CHGB: variants seen among roughly 807,000 people sequenced by gnomAD.
CHGB encodes the protein secretogranin-1.
Under a neutral mutation model 69.9 loss-of-function variants are expected in CHGB, and 46 were observed. The ratio of observed to expected loss-of-function variants is 0.66; its 90% CI spans 0.52 to 0.84. The LOEUF (loss-of-function observed/expected upper bound fraction) is 0.84, where lower values mean the gene tolerates loss of function less well. Ranked by LOEUF, CHGB falls within the 40% of genes least tolerant of loss-of-function variation. The pLI is 0.00. For synonymous variants in CHGB, 312 were observed against 298.2 expected, an observed-to-expected ratio of 1.05 and a Z score of -0.48; for missense variants, 796 against 822.2, an observed-to-expected ratio of 0.97 and a Z score of 0.39.
chr20:5,918,652 A>G (rs1425150752), intron 3 of CHGB, among the ~76,000 whole-genome samples: 2 of 151,330 alleles, frequency 1.3e-5, no homozygotes, highest in Admixed American at 1.3e-4. Flanking sequence ...CTCTACTAAA[A>G]ATACAAAAAA....
intron 3 of CHGB, among the ~76,000 whole-genome samples, chr20:5,918,368 GGGTGGCA>G (rs2088491441): frequency 6.6e-6 from 1 of 151,898 alleles, no homozygotes; most frequent in Non-Finnish European, 1.5e-5. Flanking sequence ...GATACAGCCT[GGGTGGCA>G]GAGTGAGGCT....
rs1474354024 is a variant in CHGB at position 5,923,698 on chromosome 20, A to G, written c.1554A>G (p.Leu518=). The change falls in exon 4 of 5, where the codon TTA becomes TTG. Residue 518 remains leucine, a synonymous_variant. Transcript: ENST00000378961. ...ACACAGCTGAAAAGAGGAAGAGATT[A>G]GGGGAACTGTTCAACCCATACTACG... ...SHHTAEKRKR[L]GELFNPYYDP... is the part of the protein sequence containing the mutation. 3 of 1,614,170 alleles carry G rather than the reference A, an allele frequency of 1.9e-6. No homozygotes were observed. Among genetic ancestry groups the G allele is most frequent in the Non-Finnish European group, 2.5e-6 (3 of 1,180,026 alleles).
At chr20:5,922,062 A>C (rs1332220911) in intron 3 of CHGB, among the ~76,000 whole-genome samples, 1 of 152,168 alleles carries the variant, frequency 6.6e-6, no homozygotes, top group Non-Finnish European at 1.5e-5. Context: ...CTATATCTCG[A>C]TTTCAGTTTG....
At position 5,916,848 on chromosome 20, in the gene CHGB, TC is replaced by T. The variant is rs764298740; in HGVS notation, c.121del (p.Leu41SerfsTer21). 1 of 1,614,122 alleles carries T rather than the reference TC, an allele frequency of 6.2e-7. No homozygotes were observed. Among genetic ancestry groups the T allele is most frequent in the African/African-American group, 1.3e-5 (1 of 75,012 alleles). ...CAGGTGACTCGCTGCATCATTGAGG[TC>T]CTCTCAAATGCCTTGTCGAAGTCCA... ...EGMVTRCIIE[V>X]LSNALSKSSA... On this transcript the variant is annotated frameshift_variant, in exon 3 of 5. Coordinates refer to ENST00000378961, the MANE Select transcript of CHGB (RefSeq NM_001819.3). LOFTEE classifies it high-confidence loss of function.
chr20:5,924,036 G>A lies in CHGB; in HGVS notation c.1892G>A (p.Ser631Asn), dbSNP rs756916206. Residue 631 changes from serine to asparagine, a missense_variant, in exon 4 of 5, where the codon AGC (serine) becomes AAC (asparagine). By Grantham distance (46) the Ser-to-Asn change is conservative. Transcript: ENST00000378961. Reference protein sequence around the residue: ...PDFYDSEEPVSTHQEAENEKD... With the variant: ...PDFYDSEEPVNTHQEAENEKD... ...TTCTATGATTCTGAGGAGCCGGTGA[G>A]CACCCACCAGGAGGCAGAAAATGAA... is the stretch of plus-strand genomic sequence containing the variant. The A allele has an allele frequency of 3.1e-6, 5 of 1,613,644 alleles. No homozygotes were observed. Among genetic ancestry groups the A allele is most frequent in the South Asian group, 1.1e-5 (1 of 91,034 alleles).
chr20:5,920,802 G>A (rs2088509414), intron 3 of CHGB, among the ~76,000 whole-genome samples: 2 of 152,236 alleles, frequency 1.3e-5, no homozygotes, highest in African/African-American at 2.4e-5. Flanking sequence ...ACTGGTGACA[G>A]ATGGGCCTTC....
rs538716130 is a variant in CHGB, at chr20:5,923,555, T to G, written c.1411T>G (p.Tyr471Asp). 6.2e-7 allele frequency: 1 copy of G among 1,614,022 alleles called. No individual in the cohort carries two copies. The highest frequency in any genetic ancestry group is 1.7e-5 in the Admixed American group (1 of 60,008). ...TGCGTGGAAAGAGCTGGACAGAAAT[T>G]ATCTCAACTACGGTGAGGAAGGAGC... ...QGAWKELDRNYLNYGEEGAPG... is the reference protein window; with the variant it reads ...QGAWKELDRNDLNYGEEGAPG... Residue 471 changes from tyrosine (Y) to aspartate (D), a missense_variant, in exon 4 of 5, where the codon TAT becomes GAT. Physicochemically the swap from Tyr to Asp is radical, Grantham distance 160. Around this residue, in one of 3 missense-constraint regions of CHGB, gnomAD observed 274 missense variants for 298.9 expected, o/e 0.92. Transcript: ENST00000378961.
chr20:5,916,371 T>C lies in CHGB; in HGVS notation c.95T>C (p.Met32Thr), dbSNP rs1295645506. 1 of 1,612,364 alleles carries C rather than the reference T, an allele frequency of 6.2e-7. No homozygotes were observed. The highest frequency in any genetic ancestry group is 8.5e-7 in the Non-Finnish European group (1 of 1,178,530). The change falls in exon 2 of 5, where the codon ATG becomes ACG. Residue 32 changes from methionine to threonine, a missense_variant and splice_region_variant. Physicochemically the swap from Met to Thr is moderately conservative, Grantham distance 81. Transcript: ENST00000378961. ...PVDNRNHNEG[M>T]VTRCIIEVLS... ...GATAACAGGAACCACAATGAAGGAA[T>C]GGTAAGTTGCAATGTCAATCTTAGA...
chr20:5,916,948 T>C (rs1344741512), intron 3 of CHGB, 29 bp downstream of exon 3: 1 of 1,596,684 alleles, frequency 6.3e-7, no homozygotes, highest in Non-Finnish European at 8.6e-7. Flanking sequence ...AGGCAGATCT[T>C]GGTCACTGCA....
intron 1 of CHGB, among the ~76,000 whole-genome samples, chr20:5,913,353 C>A (rs902490671): frequency 5.3e-5 from 8 of 152,248 alleles, no homozygotes; most frequent in Non-Finnish European, 1.2e-4. Flanking sequence ...CATTAGCAAG[C>A]ACCTCTCCAT....
Position 5,924,066 on chromosome 20 carries a change from A to G in CHGB, c.1922A>G (p.Asp641Gly). 6.2e-7 allele frequency: 1 copy of G among 1,613,112 alleles called. No homozygotes were observed. The highest frequency in any genetic ancestry group is 8.5e-7 in the Non-Finnish European group (1 of 1,179,532). ...CACCAGGAGGCAGAAAATGAAAAGG[A>G]CAGGGCTGACCAGACAGTCCTGACA... ...STHQEAENEK[D>G]RADQTVLTED... The change falls in exon 4 of 5, where the codon GAC becomes GGC. Residue 641 changes from aspartate (D) to glycine (G), a missense_variant. Asp to Gly is a moderately conservative substitution (Grantham distance 94, BLOSUM62 -1). Transcript: ENST00000378961.
Position 5,925,063 on chromosome 20 carries a change from G to C in CHGB, c.*14G>C. On this transcript the variant is annotated 3_prime_UTR_variant, in exon 5 of 5. Coordinates refer to ENST00000378961, the MANE Select transcript of CHGB (RefSeq NM_001819.3). ...CAAAGGGGCTGACTGTCATTGGAGC[G>C]GTGGGCACTGTTAAGAAGCAGCCAT... The C allele has an allele frequency of 1.3e-6, 2 of 1,585,022 alleles. No individual in the cohort carries two copies. The highest frequency in any genetic ancestry group is 1.7e-6 in the Non-Finnish European group (2 of 1,155,374).
In CHGB at chr20:5,922,723, G is replaced by A. The variant is rs1568551873; in HGVS notation, c.579G>A (p.Glu193=). The stretch of plus-strand genomic sequence containing the variant: ...AGAAACACCTTGAAGAGCCAGGAGA[G>A]ACACAAAACGCTTTTCTCAATGAAA... ...SEEKHLEEPG[E]TQNAFLNERK... Residue 193 remains glutamate, a synonymous_variant, in exon 4 of 5, where the codon GAG becomes GAA. Coordinates refer to ENST00000378961, the MANE Select transcript of CHGB (RefSeq NM_001819.3). 14 of 1,614,128 alleles carry A rather than the reference G, an allele frequency of 8.7e-6. No individual in the cohort carries two copies. The highest frequency in any genetic ancestry group is 1.3e-5 in the African/African-American group (1 of 75,030).
chr20:5,916,342 A>G lies in CHGB; in HGVS notation c.66A>G (p.Pro22=), dbSNP rs755118217. 5.0e-6 allele frequency: 8 copies of G among 1,613,654 alleles called. No homozygotes were observed. The Admixed American group carries it at 1.3e-4, about 27-fold the overall frequency. Residue 22 remains proline, a synonymous_variant, in exon 2 of 5, where the codon CCA becomes CCG. Coordinates refer to ENST00000378961, the MANE Select transcript of CHGB (RefSeq NM_001819.3). ...CCTTCAAAGCTGTCAATTCCATGCC[A>G]GTGGATAACAGGAACCACAATGAAG... ...AVGLAAVNSM[P]VDNRNHNEGM...
chr20:5,919,810 C>G (rs748811590), intron 3 of CHGB, among the ~76,000 whole-genome samples: 1 of 152,184 alleles, frequency 6.6e-6, no homozygotes, highest in African/African-American at 2.4e-5. Context: ...TATACAGCCT[C>G]TGTTCCACCC....
In CHGB at chr20:5,925,133, C is replaced by A. The variant is rs2821; in HGVS notation, c.*84C>A. On this transcript the variant is annotated 3_prime_UTR_variant, in exon 5 of 5. Coordinates refer to ENST00000378961, the MANE Select transcript of CHGB (RefSeq NM_001819.3). ...CACTTCACTGAAAGACACCATTTAT[C>A]TACCCAAGGGCAGAAAGTAGAACTT... 0.36 allele frequency: 308,015 copies of A among 847,386 alleles called. 57,537 individuals carry two copies. Among genetic ancestry groups the A allele is most frequent in the East Asian group, 0.47 (18,111 of 38,924 alleles). The allele number at this position is 847,386 out of a possible 1,614,324, so 52.5% of individuals were successfully genotyped here. A position where few individuals can be genotyped will look rare whatever the true frequency, so the allele number is the denominator to read the frequency against.
Position 5,922,735 on chromosome 20 carries a change from T to A in CHGB, c.591T>A (p.Ala197=). The change falls in exon 4 of 5, where the codon GCT becomes GCA. Residue 197 remains alanine, a synonymous_variant. Transcript: ENST00000378961. ...HLEEPGETQN[A]FLNERKQASA... ...AAGAGCCAGGAGAGACACAAAACGC[T>A]TTTCTCAATGAAAGAAAGCAGGCTT... 6.2e-7 allele frequency: 1 copy of A among 1,614,040 alleles called. No individual in the cohort carries two copies. Among genetic ancestry groups the A allele is most frequent in the Non-Finnish European group, 8.5e-7 (1 of 1,180,006 alleles).
chr20:5,922,989 G>C lies in CHGB; in HGVS notation c.845G>C (p.Arg282Thr). 1 of 1,610,430 alleles carries C rather than the reference G, an allele frequency of 6.2e-7. No individual in the cohort carries two copies. Among genetic ancestry groups the C allele is most frequent in the Non-Finnish European group, 8.5e-7 (1 of 1,178,216 alleles). The change falls in exon 4 of 5, where the codon AGA becomes ACA. Residue 282 changes from arginine (R) to threonine (T), a missense_variant. By Grantham distance (71) the Arg-to-Thr change is moderately conservative. Coordinates refer to ENST00000378961, the MANE Select transcript of CHGB (RefSeq NM_001819.3). ...SEVDKRRTRP[R>T]HHHGRSRPDR... is the part of the protein sequence containing the mutation. Reference sequence around the variant, plus strand: ...GTGGACAAACGACGCACGAGGCCCAGACACCACCACGGGAGGAGCAGGCCC... The same window carrying C: ...GTGGACAAACGACGCACGAGGCCCACACACCACCACGGGAGGAGCAGGCCC...
chr20:5,914,813 G>A (rs1463645447), intron 1 of CHGB: 1 of 152,172 alleles, frequency 6.6e-6, no homozygotes, highest in Non-Finnish European at 1.5e-5. Context: ...ATAACTTTGG[G>A]CTTCTTGAAA....
Sources: gnomAD v4.1 joint callset for allele counts (sites outside exome capture counted in the v4.1 genomes callset) on GRCh38, gnomAD v4.1.1 for gene constraint, gnomAD v4.1.1 regional missense constraint, MANE v1.5 for transcripts, NCBI Gene and HGNC (gene_info 2026-07-23, HGNC 2026-07-21) for gene names.